RIN2: variants seen among roughly 807,000 people sequenced by gnomAD.
RIN2 encodes the protein RAB5 interacting protein 2.
A neutral mutation model predicts 78.0 loss-of-function variants in RIN2; 36 were observed. The observed-to-expected ratio is 0.46, with a 90% CI of 0.35 to 0.61. The LOEUF (loss-of-function observed/expected upper bound fraction) is 0.61. Among genes scored for constraint, RIN2 ranks in the 20% least tolerant of loss-of-function variants. The pLI is 0.00. For synonymous variants in RIN2, 466 were observed against 466.8 expected (o/e 1.00, Z 0.02); for missense variants, 1,087 against 1,159.7 (o/e 0.94, Z 0.91).
At chr20:19,904,550 A>G (rs1411464844) in intron 3 of RIN2, among the ~76,000 whole-genome samples, 1 of 152,154 alleles carries the variant, frequency 6.6e-6, no homozygotes, top group African/African-American at 2.4e-5. Context: ...GACGAAAGGA[A>G]GAGCATTCCC....
At chr20:19,910,384 G>A (rs1371965942) in intron 3 of RIN2, among the ~76,000 whole-genome samples, 1 of 130,436 alleles carries the variant, frequency 7.7e-6, no homozygotes, top group African/African-American at 2.8e-5. Flanking sequence ...TGTTGGCCAG[G>A]CTGGTCTCGA....
rs946626372 is a variant in RIN2 at position 19,758,322 on chromosome 20, CGA to C, written c.-164_-163del. ...CTCCGGGACCTGCGGGGAGGGCCCGCGAGAGGTAAGGGGCGGTGGCAGCGGAG... is the reference window on the plus strand; with the variant it reads ...CTCCGGGACCTGCGGGGAGGGCCCGCGAGGTAAGGGGCGGTGGCAGCGGAG... On this transcript the variant is annotated 5_prime_UTR_variant, in exon 1 of 13. It adds an upstream start codon to the 5' untranslated region. Coordinates refer to ENST00000255006, the MANE Select transcript of RIN2 (RefSeq NM_018993.4). 1 of 152,250 alleles carries C rather than the reference CGA, an allele frequency of 6.6e-6. No homozygotes were observed. Among genetic ancestry groups the C allele is most frequent in the Non-Finnish European group, 1.5e-5 (1 of 68,108 alleles). The allele number at this position is 152,250 out of a possible 1,614,324, so 9.4% of individuals were successfully genotyped here.
intron 9 of RIN2, among the ~76,000 whole-genome samples, chr20:19,984,667 T>C (rs1188125930): frequency 6.6e-6 from 1 of 152,156 alleles, no homozygotes; most frequent in African/African-American, 2.4e-5. Flanking sequence ...CTCAGGATGC[T>C]GAGGCAGGAG....
At chr20:19,764,547 T>C (rs2033785431) in intron 1 of RIN2, among the ~76,000 whole-genome samples, 1 of 152,276 alleles carries the variant, frequency 6.6e-6, no homozygotes, top group Non-Finnish European at 1.5e-5. Context: ...AAGTGCTAAA[T>C]GTTTATCGCT....
At chr20:19,766,984 G>A (rs918218957) in intron 1 of RIN2, among the ~76,000 whole-genome samples, 1 of 151,996 alleles carries the variant, frequency 6.6e-6, no homozygotes, top group African/African-American at 2.4e-5. Context: ...GGAACGTGGA[G>A]TTTGTAGGGG....
intron 4 of RIN2, among the ~76,000 whole-genome samples, chr20:19,943,270 G>C (rs79171335): frequency 0.035 from 5,275 of 152,302 alleles, 170 homozygotes; most frequent in South Asian, 0.18. Context: ...GTCAACCAGA[G>C]GAAGTTCCTG....
chr20:19,939,726 C>G (rs2040787490), intron 4 of RIN2, among the ~76,000 whole-genome samples: 1 of 152,182 alleles, frequency 6.6e-6, no homozygotes, highest in African/African-American at 2.4e-5. Context: ...TCTGGCACAT[C>G]CTTCCCCCAG....
At position 19,992,460 on chromosome 20, in the gene RIN2, G is replaced by C. The variant is rs2042825073; in HGVS notation, c.2200+161G>C. ...GTCATGCATTCTCCACCTTTATTTA[G>C]TGTCAAACTATTTTCCTCACCCTAA... On this transcript the variant is annotated intron_variant, in intron 11 of 12. Transcript: ENST00000255006. 2.0e-5 allele frequency among the ~76,000 whole-genome samples: 3 copies of C among 152,092 alleles called. No individual in the cohort carries two copies. The South Asian group carries it at 6.2e-4, about 32-fold the overall frequency.
rs187586219 is a variant in RIN2 at position 19,815,299 on chromosome 20, G to A, written c.-37+15552G>A. Among the ~76,000 whole-genome samples the A allele has an allele frequency of 6.8e-4, 104 of 152,294 alleles. 1 individual carries two copies. The highest frequency in any genetic ancestry group is 1.1e-3 in the Admixed American group (17 of 15,302). On this transcript the variant is annotated intron_variant, in intron 2 of 12. Transcript: ENST00000255006. ...TGAGGCAAGAATTCTGCTTACAAAG[G>A]TAAAGTAATTTAAGCAAAAGCTAAA...
intron 1 of RIN2, among the ~76,000 whole-genome samples, chr20:19,762,363 C>G (rs1370543742): frequency 2.0e-5 from 3 of 152,142 alleles, no homozygotes; most frequent in Non-Finnish European, 4.4e-5. Context: ...GAATTGTGGG[C>G]TAGTGGAGGA....
At chr20:19,900,901 G>C (rs1355755164) in intron 3 of RIN2, among the ~76,000 whole-genome samples, 7 of 119,206 alleles carry the variant, frequency 5.9e-5, no homozygotes, top group Non-Finnish European at 9.6e-5. Flanking sequence ...AGTGAGCCGA[G>C]ATCACACCAT....
intron 2 of RIN2, among the ~76,000 whole-genome samples, chr20:19,830,848 T>TGGA (rs2036230246): frequency 6.6e-6 from 1 of 152,154 alleles, no homozygotes. Flanking sequence ...GATACCCACA[T>TGGA]CCAGCGATGA....
In RIN2 at chr20:19,885,964, G is replaced by A. The variant is rs185532858; in HGVS notation, c.-36-3602G>A. ...GAAATTAAGAGAAGAGGAGAGGAGC[G>A]GAGGGGATGGGAAGGGTGGGGAAGG... On this transcript the variant is annotated intron_variant, in intron 2 of 12. Transcript: ENST00000255006. Among the ~76,000 whole-genome samples, 493 of 152,116 alleles carry A rather than the reference G, an allele frequency of 3.2e-3. 5 individuals carry two copies. The highest frequency in any genetic ancestry group is 0.011 in the African/African-American group (469 of 41,450).
intron 2 of RIN2, among the ~76,000 whole-genome samples, chr20:19,804,849 T>G (rs1281746736): frequency 6.6e-6 from 1 of 152,068 alleles, no homozygotes; most frequent in African/African-American, 2.4e-5. Context: ...GTTTTGCTGT[T>G]GTTGTTGTTG....
rs533005989 is a variant in RIN2, at chr20:19,896,534, G to A, written c.57+6876G>A. Among the ~76,000 whole-genome samples the A allele has an allele frequency of 1.1e-4, 17 of 152,270 alleles. No homozygotes were observed. The South Asian group carries it at 1.2e-3, about 11-fold the overall frequency. Reference sequence around the variant, plus strand: ...CAGATCCCCTGGACTGTGAGTAGACGGAACATCACCTGCCCACTGTCCAGT... The same window carrying A: ...CAGATCCCCTGGACTGTGAGTAGACAGAACATCACCTGCCCACTGTCCAGT... On this transcript the variant is annotated intron_variant, in intron 3 of 12. Transcript: ENST00000255006.
intron 2 of RIN2, among the ~76,000 whole-genome samples, chr20:19,803,220 C>A (rs145392434): frequency 1.9e-3 from 294 of 152,256 alleles, no homozygotes; most frequent in African/African-American, 6.8e-3. Flanking sequence ...GCAGATGCAG[C>A]TTAGAAGCCT....
intron 1 of RIN2, among the ~76,000 whole-genome samples, chr20:19,765,914 G>C (rs144578547): frequency 2.6e-5 from 4 of 152,226 alleles, no homozygotes; most frequent in African/African-American, 9.6e-5. Flanking sequence ...GAGAAAAGGA[G>C]GCTACAGAGG....
upstream of RIN2, chr20:19,758,244 G>C (rs2328450): frequency 0.02 from 2,999 of 150,762 alleles, 97 homozygotes; most frequent in African/African-American, 0.068. Context: ...TGCTCCTCCC[G>C]GGCGGGGAAA....
chr20:19,922,587 G>A (rs1329691749), intron 3 of RIN2, among the ~76,000 whole-genome samples: 8 of 152,294 alleles, frequency 5.3e-5, no homozygotes, highest in Middle Eastern at 3.4e-3. Flanking sequence ...GAGGTCCCCC[G>A]AGGAGGTAGC....
Sources: allele counts gnomAD v4.1 joint callset (sites outside exome capture counted in the v4.1 genomes callset), GRCh38; gene constraint gnomAD v4.1.1; transcripts MANE v1.5; gene names NCBI Gene and HGNC (gene_info 2026-07-23, HGNC 2026-07-21).